Variants in PLCE1 observed in about 807,000 individuals in gnomAD.
PLCE1 encodes phospholipase C epsilon 1.
PLCE1 carries 119 observed loss-of-function variants against 242.8 expected under a neutral mutation model. That is an observed-to-expected ratio of 0.49 (90% CI 0.42 to 0.57). The LOEUF (loss-of-function observed/expected upper bound fraction) is 0.57, where lower values mean the gene tolerates loss of function less well. Among genes scored for constraint, PLCE1 ranks in the 20% least tolerant of loss-of-function variants. PLCE1 has a pLI of 0.00. For missense variants in PLCE1, 2,441 were observed against 2,788.8 expected (o/e 0.88, Z 2.81); for synonymous variants, 945 against 1,017.4 (o/e 0.93, Z 1.35).
chr10:94,187,743 G>A (rs1253304344), intron 4 of PLCE1, among the ~76,000 whole-genome samples: 2 of 152,188 alleles, frequency 1.3e-5, no homozygotes, highest in Non-Finnish European at 2.9e-5. Context: ...GACTTACAAG[G>A]TGAAATCTTA....
chr10:94,080,380 C>T (rs1262252984), intron 2 of PLCE1, among the ~76,000 whole-genome samples: 1 of 152,172 alleles, frequency 6.6e-6, no homozygotes, highest in Non-Finnish European at 1.5e-5. Context: ...CCTAGACCAC[C>T]ACACCCCTTC....
intron 3 of PLCE1, among the ~76,000 whole-genome samples, chr10:94,164,018 T>C (rs2047708934): frequency 6.6e-6 from 1 of 152,216 alleles, no homozygotes; most frequent in African/African-American, 2.4e-5. Flanking sequence ...TGCCGAGAGA[T>C]CAGCTGTTTG....
In PLCE1 at chr10:94,188,327, A is replaced by G. The variant is rs115320312; in HGVS notation, c.1809+16831A>G. On this transcript the variant is annotated intron_variant, in intron 4 of 32. Transcript: ENST00000371380. Reference sequence around the variant, plus strand: ...AAATATGTTTTCTTAATTTTTAGCTATGGAAACCAACAACCAATCTTAGGG... The same window carrying G: ...AAATATGTTTTCTTAATTTTTAGCTGTGGAAACCAACAACCAATCTTAGGG... Among the ~76,000 whole-genome samples the G allele has an allele frequency of 4.2e-3, 636 of 152,328 alleles. 5 individuals carry two copies. The highest frequency in any genetic ancestry group is 0.013 in the African/African-American group (548 of 41,576).
At chr10:94,166,579 GGTGTGTGTGTGT>G (rs56088035) in intron 3 of PLCE1, among the ~76,000 whole-genome samples, 2 of 145,856 alleles carry the variant, frequency 1.4e-5, no homozygotes, top group South Asian at 2.2e-4. Context: ...AGAGAAAAAA[GGTGTGTGTGTGT>G]GTGTGTGTGT....
In PLCE1 at chr10:94,240,814, C is replaced by T. The variant is rs2137416883; in HGVS notation, c.2420+4694C>T. 2.6e-5 allele frequency among the ~76,000 whole-genome samples: 4 copies of T among 152,236 alleles called. No individual in the cohort carries two copies. In the South Asian group the frequency reaches 8.3e-4, roughly 32 times the overall value. ...TAAAAACCTTTCTTCTATTTTTACT[C>T]CTTGGTCCTCTCCTTAAGGCATACA... On this transcript the variant is annotated intron_variant, in intron 7 of 32. Transcript: ENST00000371380.
intron 2 of PLCE1, among the ~76,000 whole-genome samples, chr10:94,113,808 G>A (rs2046031287): frequency 6.6e-6 from 1 of 152,118 alleles, no homozygotes. Flanking sequence ...GTCACAATGT[G>A]TTCAACTAGG....
intron 5 of PLCE1, among the ~76,000 whole-genome samples, chr10:94,228,310 TAGGAATCAAATCCTTATCC>T (rs1000099142): frequency 9.2e-5 from 14 of 152,186 alleles, no homozygotes; most frequent in African/African-American, 3.1e-4. Context: ...AGAATCAAAT[TAGGAATCAAATCCTTATCC>T]AGGAATCAAA....
At chr10:94,135,222 T>G (rs1381717420) in intron 3 of PLCE1, among the ~76,000 whole-genome samples, 2 of 152,192 alleles carry the variant, frequency 1.3e-5, no homozygotes, top group Non-Finnish European at 2.9e-5. Flanking sequence ...CAAAACATCA[T>G]GTTGTACATT....
At position 93,994,008 on chromosome 10, in the gene PLCE1, C is replaced by CGCGGCGG. The variant is rs886047489; in HGVS notation, c.-605_-599dup. ...CGGTAACGCTGGGCAACGTGGGCAA[C>CGCGGCGG]GCGGCGGGCGGCGGGCTCGCGCGGC... On this transcript the variant is annotated 5_prime_UTR_variant, in exon 1 of 33. Transcript: ENST00000371380. Among the ~76,000 whole-genome samples the CGCGGCGG allele has an allele frequency of 1.3e-5, 2 of 151,778 alleles. No individual in the cohort carries two copies. The highest frequency in any genetic ancestry group is 2.9e-5 in the Non-Finnish European group (2 of 67,836).
intron 4 of PLCE1, among the ~76,000 whole-genome samples, chr10:94,219,525 T>C (rs1384509555): frequency 6.6e-6 from 1 of 152,174 alleles, no homozygotes; most frequent in East Asian, 1.9e-4. Context: ...ATAGCTTCAG[T>C]AAAAGACTCA....
chr10:94,192,401 T>C lies in PLCE1; in HGVS notation c.1809+20905T>C, dbSNP rs548140905. Among the ~76,000 whole-genome samples, 12 of 152,332 alleles carry C rather than the reference T, an allele frequency of 7.9e-5. No homozygotes were observed. The South Asian group carries it at 2.5e-3, about 32-fold the overall frequency. On this transcript the variant is annotated intron_variant, in intron 4 of 32. Transcript: ENST00000371380. Reference sequence around the variant, plus strand: ...CTGTTGCCATCTTTATGTCCATGTGTACCCAGTGTTTAGCTCCCACTTTTA... The same window carrying C: ...CTGTTGCCATCTTTATGTCCATGTGCACCCAGTGTTTAGCTCCCACTTTTA...
At chr10:94,130,516 C>T (rs916250771) in intron 2 of PLCE1, among the ~76,000 whole-genome samples, 3 of 152,152 alleles carry the variant, frequency 2.0e-5, no homozygotes, top group African/African-American at 7.2e-5. Flanking sequence ...TGTCTTGAAA[C>T]ATTCAAGTCA....
chr10:94,185,028 T>C (rs2048429933), intron 4 of PLCE1, among the ~76,000 whole-genome samples: 1 of 152,180 alleles, frequency 6.6e-6, no homozygotes, highest in South Asian at 2.1e-4. Flanking sequence ...AAGCAAGACA[T>C]GGGTCATTTT....
chr10:93,997,407 G>C (rs2060845782), intron 1 of PLCE1, among the ~76,000 whole-genome samples: 1 of 152,186 alleles, frequency 6.6e-6, no homozygotes, highest in African/African-American at 2.4e-5. Context: ...CAGTTGGCTG[G>C]CTGCTCAGAA....
intron 2 of PLCE1, among the ~76,000 whole-genome samples, chr10:94,062,583 T>TTTG (rs758387659): frequency 8.6e-3 from 1 of 116 alleles, no homozygotes; most frequent in African/African-American, 0.017. Flanking sequence ...CTTGGTTTTG[T>TTTG]TTTTTTTTTT....
At chr10:94,211,197 T>A (rs1213134849) in intron 4 of PLCE1, among the ~76,000 whole-genome samples, 3 of 152,220 alleles carry the variant, frequency 2.0e-5, no homozygotes, top group African/African-American at 7.2e-5. Context: ...CATCTGAGGT[T>A]AGTGCTCTAG....
intron 3 of PLCE1, among the ~76,000 whole-genome samples, chr10:94,157,137 G>A (rs2047458103): frequency 1.3e-5 from 2 of 152,020 alleles, no homozygotes; most frequent in South Asian, 2.1e-4. Flanking sequence ...TTTTATTATG[G>A]TGGGCACCAC....
chr10:94,073,801 A>G (rs1266028406), intron 2 of PLCE1, among the ~76,000 whole-genome samples: 2 of 152,244 alleles, frequency 1.3e-5, no homozygotes, highest in African/African-American at 4.8e-5. Flanking sequence ...AAGCATTGCC[A>G]GGGAAGAAGG....
intron 7 of PLCE1, among the ~76,000 whole-genome samples, chr10:94,238,255 T>TACA (rs759939793): frequency 5.3e-5 from 8 of 152,312 alleles, no homozygotes; most frequent in Non-Finnish European, 1.2e-4. Flanking sequence ...ACCTTGTCTC[T>TACA]ACAACAACAA....
Sources: allele counts gnomAD v4.1 joint callset (sites outside exome capture counted in the v4.1 genomes callset), GRCh38; gene constraint gnomAD v4.1.1; transcripts MANE v1.5; gene names NCBI Gene and HGNC (gene_info 2026-07-23, HGNC 2026-07-21).